The following ABRACL variants were observed in gnomAD, a reference collection of about 807,000 sequenced individuals.
The protein encoded by ABRACL is costars family protein ABRACL.
A neutral mutation model predicts 7.0 loss-of-function variants in ABRACL; 4 were observed. The observed-to-expected ratio is 0.57, with a 90% CI of 0.28 to 1.30. The LOEUF (loss-of-function observed/expected upper bound fraction) is 1.30. Ranked by LOEUF, ABRACL falls within the 50% of genes most tolerant of loss-of-function variation. The pLI, the probability that ABRACL is intolerant of heterozygous loss-of-function variation, is 0.10. For synonymous variants in ABRACL, 30 were observed against 36.0 expected, an observed-to-expected ratio of 0.83 and a Z score of 0.60; for missense variants, 104 against 97.3, an observed-to-expected ratio of 1.07 and a Z score of -0.29.
intron 1 of ABRACL, among the ~76,000 whole-genome samples, chr6:139,033,466 A>G (rs1786110559): frequency 6.6e-6 from 1 of 152,162 alleles, no homozygotes. Context: ...TGCCTCCCCC[A>G]CTAGACTACA....
intron 1 of ABRACL, among the ~76,000 whole-genome samples, chr6:139,030,425 C>T (rs1417904624): frequency 6.6e-6 from 1 of 152,164 alleles, no homozygotes; most frequent in Non-Finnish European, 1.5e-5. Context: ...CCTCCGCCCC[C>T]TTCATTGTTC....
intron 1 of ABRACL, among the ~76,000 whole-genome samples, chr6:139,032,054 G>C (rs906834438): frequency 6.6e-6 from 1 of 151,816 alleles, no homozygotes; most frequent in African/African-American, 2.4e-5. Context: ...TCCGCCTCCC[G>C]GGTTCACGCC....
At chr6:139,041,986 C>T (rs1328447656) in intron 2 of ABRACL, among the ~76,000 whole-genome samples, 1 of 152,032 alleles carries the variant, frequency 6.6e-6, no homozygotes, top group Non-Finnish European at 1.5e-5. Context: ...TGGGTGTAAC[C>T]TTGGAAGGGA....
chr6:139,041,317 T>G (rs1324752051), intron 2 of ABRACL, among the ~76,000 whole-genome samples: 2 of 150,760 alleles, frequency 1.3e-5, no homozygotes, highest in African/African-American at 4.9e-5. Context: ...CAGGCTAGAG[T>G]GCACTAGCAC....
At position 139,042,739 on chromosome 6, in the gene ABRACL, G is replaced by T. The variant is rs766064009; in HGVS notation, c.82G>T (p.Val28Leu). 7 of 1,611,046 alleles carry T rather than the reference G, an allele frequency of 4.3e-6. No individual in the cohort carries two copies. The highest frequency in any genetic ancestry group is 5.9e-6 in the Non-Finnish European group (7 of 1,178,746). Residue 28 changes from valine (V) to leucine (L), a missense_variant, in exon 3 of 3, where the codon GTG becomes TTG. Physicochemically the swap from Val to Leu is conservative, Grantham distance 32. Transcript: ENST00000367660. ...ACTAGATGCTGATGGAAAGTTAAGC[G>T]TGAAATTTGGGGTCCTCTTCCGTGA... The part of the protein sequence containing the change: ...GSKNADGKLS[V>L]KFGVLFRDDK...
rs1376767408 is a variant in ABRACL at position 139,042,709 on chromosome 6, C to G, written c.62-10C>G. 6 of 1,604,580 alleles carry G rather than the reference C, an allele frequency of 3.7e-6. No homozygotes were observed. Among genetic ancestry groups the G allele is most frequent in the Non-Finnish European group, 4.3e-6 (5 of 1,174,994 alleles). On this transcript the variant is annotated splice_polypyrimidine_tract_variant and intron_variant, in intron 2 of 2. Coordinates refer to ENST00000367660, the MANE Select transcript of ABRACL (RefSeq NM_021243.3). ...TTTGCATTTGCTAACAATGTATTTT[C>G]TCAAACTAGATGCTGATGGAAAGTT...
In ABRACL at chr6:139,035,871, G is replaced by A. The variant is rs553489184; in HGVS notation, c.61+1650G>A. On this transcript the variant is annotated intron_variant, in intron 2 of 2. Transcript: ENST00000367660. The stretch of plus-strand genomic sequence containing the variant: ...AATCCCAGCACTTTGGGAGGCTGAG[G>A]CGGTTGGATCATGAGGTGAGGAGTT... Among the ~76,000 whole-genome samples the A allele has an allele frequency of 3.1e-4, 46 of 150,100 alleles. No homozygotes were observed. In the East Asian group the frequency reaches 9.0e-3, roughly 29 times the overall value.
intron 2 of ABRACL, among the ~76,000 whole-genome samples, chr6:139,037,491 C>T (rs1312593100): frequency 6.6e-6 from 1 of 152,104 alleles, no homozygotes; most frequent in Non-Finnish European, 1.5e-5. Flanking sequence ...GAACTTCTGG[C>T]CTCAAGTCAT....
At chr6:139,038,587 G>A (rs1284064726) in intron 2 of ABRACL, among the ~76,000 whole-genome samples, 1 of 152,170 alleles carries the variant, frequency 6.6e-6, no homozygotes, top group African/African-American at 2.4e-5. Flanking sequence ...AGCGAAAAAA[G>A]ATTAAATGGG....
chr6:139,034,254 T>C (rs199808678), intron 2 of ABRACL, 33 bp downstream of exon 2: 1 of 1,614,222 alleles, frequency 6.2e-7, no homozygotes, highest in African/African-American at 1.3e-5. Context: ...GTATTTCTCC[T>C]GGCTTTACCT....
Position 139,042,984 on chromosome 6 carries a change from C to A in ABRACL, c.*81C>A, listed in dbSNP as rs1775019721. 1.7e-6 allele frequency: 2 copies of A among 1,195,018 alleles called. No individual in the cohort carries two copies. Among genetic ancestry groups the A allele is most frequent in the Admixed American group, 2.5e-5 (1 of 39,518 alleles). The allele number at this position is 1,195,018 out of a possible 1,614,324, so 74.0% of individuals were successfully genotyped here. ...TAAAGTGAAAGAACAAACATTTGAA[C>A]ATACTTAATGTATTTTTATAGAACT... is the stretch of plus-strand genomic sequence containing the variant. On this transcript the variant is annotated 3_prime_UTR_variant, in exon 3 of 3. Coordinates refer to ENST00000367660, the MANE Select transcript of ABRACL (RefSeq NM_021243.3).
chr6:139,032,012 G>T (rs975390963), intron 1 of ABRACL, among the ~76,000 whole-genome samples: 1 of 151,130 alleles, frequency 6.6e-6, no homozygotes, highest in Non-Finnish European at 1.5e-5. Context: ...CCAGGTTGGA[G>T]TGCAGTGGCG....
chr6:139,035,412 G>A (rs550822419), intron 2 of ABRACL, among the ~76,000 whole-genome samples: 14 of 152,062 alleles, frequency 9.2e-5, no homozygotes, highest in Non-Finnish European at 1.9e-4. Flanking sequence ...TCATGACTGT[G>A]TTTCTCTGTC....
chr6:139,042,613 T>C (rs1405499286), intron 2 of ABRACL, 106 bp from the exon 3 acceptor site: 1 of 1,109,092 alleles, frequency 9.0e-7, no homozygotes, highest in African/African-American at 1.6e-5. Context: ...AATTGCAACC[T>C]TGGATAGCCC....
intron 2 of ABRACL, among the ~76,000 whole-genome samples, chr6:139,037,028 G>GAA (rs11287492): frequency 6.7e-6 from 1 of 149,300 alleles, no homozygotes; most frequent in African/African-American, 2.5e-5. Context: ...GCAATTATCC[G>GAA]AAAAAAAAAA....
chr6:139,035,035 G>GA (rs1171123783), intron 2 of ABRACL, among the ~76,000 whole-genome samples: 1 of 152,188 alleles, frequency 6.6e-6, no homozygotes, highest in Non-Finnish European at 1.5e-5. Flanking sequence ...TCATGTAAGT[G>GA]AAAAACAGTT....
intron 2 of ABRACL, 187 bp downstream of exon 2, chr6:139,034,408 G>T: frequency 6.5e-7 from 1 of 1,535,664 alleles, no homozygotes; most frequent in South Asian, 1.2e-5. Context: ...CGGGGCTTTT[G>T]GGGTATTGTG....
intron 1 of ABRACL, among the ~76,000 whole-genome samples, chr6:139,029,857 A>G (rs1156476967): frequency 6.6e-6 from 1 of 152,080 alleles, no homozygotes; most frequent in African/African-American, 2.4e-5. Context: ...ATTTCCTTGG[A>G]TATTAGAAAA....
At chr6:139,030,873 A>G (rs994786857) in intron 1 of ABRACL, among the ~76,000 whole-genome samples, 4 of 152,350 alleles carry the variant, frequency 2.6e-5, no homozygotes, top group African/African-American at 7.2e-5. Context: ...TTAGAACTAC[A>G]TGAATTAACG....
Sources: allele counts gnomAD v4.1 joint callset (sites outside exome capture counted in the v4.1 genomes callset), GRCh38; gene constraint gnomAD v4.1.1; transcripts MANE v1.5; gene names NCBI Gene and HGNC (gene_info 2026-07-23, HGNC 2026-07-21).